STAT3: variants seen among roughly 807,000 people sequenced by gnomAD.
STAT3 encodes the protein DNA-binding protein APRF.
Under a neutral mutation model 114.3 loss-of-function variants are expected in STAT3, and 7 were observed. The ratio of observed to expected loss-of-function variants is 0.06; its 90% confidence interval spans 0.03 to 0.11. The LOEUF (loss-of-function observed/expected upper bound fraction) is 0.11. Ranked by LOEUF, STAT3 falls within the 10% of genes least tolerant of loss-of-function variation. The pLI is 1.00. For synonymous variants in STAT3, 331 were observed against 354.5 expected (o/e 0.93, Z 0.74); for missense variants, 364 against 960.9 (o/e 0.38, Z 8.21).
intron 1 of STAT3, among the ~76,000 whole-genome samples, chr17:42,373,884 CAAAA>C (rs34354144): frequency 1.9e-5 from 2 of 106,556 alleles, no homozygotes; most frequent in African/African-American, 3.4e-5. Flanking sequence ...GACTCCGTCT[CAAAA>C]AAAAAAAAAA....
At chr17:42,318,118 A>C (rs1358205060) in intron 21 of STAT3, among the ~76,000 whole-genome samples, 2 of 146,016 alleles carry the variant, frequency 1.4e-5, no homozygotes, top group African/African-American at 5.2e-5. Flanking sequence ...TGCCTGGCTA[A>C]TTTTTGTCTT....
intron 1 of STAT3, chr17:42,387,929 T>C: frequency 4.5e-6 from 1 of 221,812 alleles, no homozygotes; most frequent in Non-Finnish European, 8.8e-6. Context: ...GGCGTGACAG[T>C]CGCTCCGGTG....
chr17:42,320,818 C>G (rs1224989181), intron 21 of STAT3, among the ~76,000 whole-genome samples: 2 of 151,184 alleles, frequency 1.3e-5, no homozygotes, highest in Non-Finnish European at 2.9e-5. Context: ...GACTCCCCAT[C>G]AAGACCTGCA....
At chr17:42,386,282 A>C (rs1178150882) in intron 1 of STAT3, among the ~76,000 whole-genome samples, 1 of 146,262 alleles carries the variant, frequency 6.8e-6, no homozygotes, top group African/African-American at 2.5e-5. Context: ...CTCTGACTCA[A>C]AAAAAAAAAA....
At chr17:42,336,822 TACTAAAATA>T (rs1409052641) in intron 8 of STAT3, among the ~76,000 whole-genome samples, 4 of 152,152 alleles carry the variant, frequency 2.6e-5, no homozygotes, top group African/African-American at 9.6e-5. Flanking sequence ...CATTTTAGAT[TACTAAAATA>T]ACTAAAATTA....
At chr17:42,344,855 T>C (rs2082624310) in intron 4 of STAT3, among the ~76,000 whole-genome samples, 2 of 151,366 alleles carry the variant, frequency 1.3e-5, no homozygotes, top group Admixed American at 6.6e-5. Context: ...ACCTGGCTGT[T>C]TTTTAGGTTT....
chr17:42,358,933 C>T (rs1238581813), intron 1 of STAT3, among the ~76,000 whole-genome samples: 18 of 100,444 alleles, frequency 1.8e-4, no homozygotes, highest in South Asian at 3.6e-4. Context: ...ACATTTCTTA[C>T]TTTTTTTTTT....
chr17:42,322,576 C>T (rs909123821), intron 20 of STAT3, 82 bp from the exon 21 acceptor site: 38 of 1,513,566 alleles, frequency 2.5e-5, no homozygotes, highest in Middle Eastern at 1.7e-4. Flanking sequence ...TTTCTTTCCT[C>T]GAAGGGGAAA....
At chr17:42,371,621 A>G (rs1298531114) in intron 1 of STAT3, among the ~76,000 whole-genome samples, 1 of 148,614 alleles carries the variant, frequency 6.7e-6, no homozygotes, top group East Asian at 2.0e-4. Context: ...GGTTGCAGTG[A>G]GCCGAGATTG....
intron 1 of STAT3, among the ~76,000 whole-genome samples, chr17:42,363,638 G>T (rs2083630245): frequency 2.7e-5 from 4 of 147,038 alleles, no homozygotes; most frequent in Admixed American, 2.0e-4. Context: ...TTTTGGTAGA[G>T]ACTCAGTCTC....
In STAT3 at chr17:42,337,648, T is replaced by G; in HGVS notation, c.646-62A>C. Reference sequence around the variant, plus strand: ...CTCAGACTGTCTCTAACCACATTCTTTAGTCAACTCCAGAGCAGGAACTTC... The same window carrying G: ...CTCAGACTGTCTCTAACCACATTCTGTAGTCAACTCCAGAGCAGGAACTTC... On this transcript the variant is annotated intron_variant, in intron 7 of 23. Transcript: ENST00000264657. The surrounding 1 kb of genome is among the most constrained non-coding windows in gnomAD (Gnocchi z 4.0). 6.2e-7 allele frequency: 1 copy of G among 1,614,068 alleles called. No homozygotes were observed. The highest frequency in any genetic ancestry group is 8.5e-7 in the Non-Finnish European group (1 of 1,179,934).
intron 1 of STAT3, among the ~76,000 whole-genome samples, chr17:42,366,887 T>A (rs1026713403): frequency 6.6e-6 from 1 of 152,024 alleles, no homozygotes; most frequent in African/African-American, 2.4e-5. Context: ...AAACCTGTCA[T>A]CCCAGCACTT....
chr17:42,332,176 C>T (rs1219481217), intron 10 of STAT3, among the ~76,000 whole-genome samples: 1 of 151,600 alleles, frequency 6.6e-6, no homozygotes, highest in East Asian at 2.0e-4. Flanking sequence ...ATCCACCCAC[C>T]TTGGCCTCCC....
intron 17 of STAT3, among the ~76,000 whole-genome samples, 172 bp from the exon 18 acceptor site, chr17:42,323,797 C>T (rs1045117271): frequency 1.3e-5 from 2 of 152,140 alleles, no homozygotes; most frequent in African/African-American, 4.8e-5. Flanking sequence ...AAACACTATC[C>T]CATCATTTGA....
At chr17:42,384,763 C>T (rs544984400) in intron 1 of STAT3, among the ~76,000 whole-genome samples, 2 of 151,346 alleles carry the variant, frequency 1.3e-5, no homozygotes, top group South Asian at 4.2e-4. Flanking sequence ...ACCACGTTGC[C>T]CAAGCTGGTC....
intron 1 of STAT3, among the ~76,000 whole-genome samples, chr17:42,353,082 T>G (rs1017661114): frequency 1.3e-5 from 2 of 152,104 alleles, no homozygotes; most frequent in Admixed American, 6.5e-5. Context: ...GCATGGTGGC[T>G]CATGCCTGTA....
At position 42,317,164 on chromosome 17, in the gene STAT3, G is replaced by A; in HGVS notation, c.2144+18C>T. 4 of 1,614,008 alleles carry A rather than the reference G, an allele frequency of 2.5e-6. No homozygotes were observed. The highest frequency in any genetic ancestry group is 3.4e-6 in the Non-Finnish European group (4 of 1,179,978). ...GATATTAGAAATGAAGGCAAAACGG[G>A]GAAAGGAAGCCACTTACGGTGTCAC... On this transcript the variant is annotated intron_variant, in intron 22 of 23. Coordinates refer to ENST00000264657, the MANE Select transcript of STAT3 (RefSeq NM_139276.3).
At chr17:42,350,206 G>A (rs913596467) in intron 1 of STAT3, among the ~76,000 whole-genome samples, 3 of 152,198 alleles carry the variant, frequency 2.0e-5, no homozygotes, top group African/African-American at 4.8e-5. Context: ...TAGAGTTCTT[G>A]ATTCTCAGAG....
chr17:42,347,089 G>A (rs2082731180), intron 2 of STAT3, among the ~76,000 whole-genome samples: 1 of 151,194 alleles, frequency 6.6e-6, no homozygotes, highest in Admixed American at 6.6e-5. Flanking sequence ...TCGGGAGGCT[G>A]AGGCGGGAGA....
Sources: gnomAD v4.1 joint callset for allele counts (sites outside exome capture counted in the v4.1 genomes callset) on GRCh38, gnomAD v4.1.1 for gene constraint, Gnocchi (gnomAD v3.1) non-coding constraint, MANE v1.5 for transcripts, NCBI Gene and HGNC (gene_info 2026-07-23, HGNC 2026-07-21) for gene names.